Variants in GBE1 observed in about 807,000 individuals in gnomAD.
The protein encoded by GBE1 is 1,4-alpha-glucan branching enzyme 1, also known as 1,4-alpha-glucan-branching enzyme.
GBE1 carries 70 observed loss-of-function variants against 88.8 expected under a neutral mutation model. The ratio of observed to expected loss-of-function variants is 0.79; its 90% CI spans 0.65 to 0.96. The LOEUF (loss-of-function observed/expected upper bound fraction) is 0.96. Among genes scored for constraint, GBE1 ranks in the 40% least tolerant of loss-of-function variants. The pLI, the probability that GBE1 is intolerant of heterozygous loss-of-function variation, is 0.00. For synonymous variants in GBE1, 284 were observed against 300.1 expected (o/e 0.95, Z 0.56); for missense variants, 872 against 871.0 (o/e 1.00, Z -0.01).
intron 6 of GBE1, among the ~76,000 whole-genome samples, chr3:81,644,770 T>C (rs1049758098): frequency 2.0e-5 from 3 of 152,120 alleles, no homozygotes; most frequent in Middle Eastern, 3.2e-3. Context: ...AAAGAGCTAT[T>C]GAAATAACCC....
intron 2 of GBE1, among the ~76,000 whole-genome samples, chr3:81,680,342 A>G (rs1037283226): frequency 1.3e-5 from 2 of 151,924 alleles, no homozygotes; most frequent in East Asian, 3.9e-4. Flanking sequence ...AAATGCAAAA[A>G]CAAAATTAGC....
At chr3:81,748,497 G>A (rs1461790257) in intron 1 of GBE1, among the ~76,000 whole-genome samples, 1 of 151,782 alleles carries the variant, frequency 6.6e-6, no homozygotes, top group Non-Finnish European at 1.5e-5. Flanking sequence ...TGTAGTCCCA[G>A]CTACTCGGGA....
chr3:81,496,608 T>G (rs959502845), intron 15 of GBE1, among the ~76,000 whole-genome samples: 1 of 152,166 alleles, frequency 6.6e-6, no homozygotes, highest in South Asian at 2.1e-4. Flanking sequence ...ACAGCACTTA[T>G]GATCATGTTC....
intron 1 of GBE1, among the ~76,000 whole-genome samples, chr3:81,739,311 AC>A (rs1394094899): frequency 2.0e-5 from 3 of 152,180 alleles, no homozygotes; most frequent in Admixed American, 2.0e-4. Flanking sequence ...CTGTCAGCCT[AC>A]CCAGCAGTGA....
At chr3:81,723,287 GA>G (rs1241497252) in intron 1 of GBE1, among the ~76,000 whole-genome samples, 2 of 144,792 alleles carry the variant, frequency 1.4e-5, no homozygotes, top group Non-Finnish European at 3.0e-5. Flanking sequence ...ATTTTTAGTA[GA>G]GAGGGGGTTT....
chr3:81,609,567 T>C (rs528004441), intron 7 of GBE1, among the ~76,000 whole-genome samples: 1 of 152,264 alleles, frequency 6.6e-6, no homozygotes, highest in Admixed American at 6.5e-5. Flanking sequence ...GGTTTTTTTT[T>C]GGTTTTTGTT....
intron 3 of GBE1, among the ~76,000 whole-genome samples, chr3:81,662,864 C>A (rs1576190372): frequency 6.6e-6 from 1 of 152,106 alleles, no homozygotes; most frequent in South Asian, 2.1e-4. Context: ...TCACATTTTT[C>A]TCCCTCTCTT....
intron 12 of GBE1, among the ~76,000 whole-genome samples, chr3:81,563,933 G>GGAAGGAAGGGAC (rs1285774029): frequency 6.6e-6 from 1 of 150,898 alleles, no homozygotes; most frequent in African/African-American, 2.5e-5. Flanking sequence ...GAGGGAGGGA[G>GGAAGGAAGGGAC]GAAGGAAGGG....
chr3:81,577,105 T>A (rs1703659014), intron 12 of GBE1, among the ~76,000 whole-genome samples: 1 of 150,980 alleles, frequency 6.6e-6, no homozygotes, highest in East Asian at 2.0e-4. Flanking sequence ...CACCCAGCAT[T>A]TTTTTTTTCT....
chr3:81,528,719 T>C (rs1411552248), intron 14 of GBE1, among the ~76,000 whole-genome samples: 4 of 152,102 alleles, frequency 2.6e-5, no homozygotes, highest in African/African-American at 9.6e-5. Flanking sequence ...TTTGTCATTA[T>C]ATAATGACCT....
intron 7 of GBE1, among the ~76,000 whole-genome samples, chr3:81,618,210 T>G (rs1704276550): frequency 6.6e-6 from 1 of 152,112 alleles, no homozygotes; most frequent in Non-Finnish European, 1.5e-5. Flanking sequence ...ATGTCTTAAT[T>G]TGATCATCAT....
At chr3:81,496,867 G>A (rs182224942) in intron 15 of GBE1, among the ~76,000 whole-genome samples, 5 of 152,232 alleles carry the variant, frequency 3.3e-5, no homozygotes, top group Admixed American at 2.0e-4. Context: ...GTATTTAAAC[G>A]AGTAATTCCT....
chr3:81,623,026 T>C (rs975781627), intron 7 of GBE1, among the ~76,000 whole-genome samples: 3 of 152,210 alleles, frequency 2.0e-5, no homozygotes, highest in Admixed American at 1.3e-4. Context: ...GAAAAAATGA[T>C]CTTTTCAGTA....
chr3:81,541,455 C>CT (rs1703142259), intron 12 of GBE1, among the ~76,000 whole-genome samples: 1 of 150,962 alleles, frequency 6.6e-6, no homozygotes, highest in Non-Finnish European at 1.5e-5. Context: ...AAGTTGCCCC[C>CT]CCCGCCACCT....
chr3:81,745,424 T>C (rs1416456600), intron 1 of GBE1, among the ~76,000 whole-genome samples: 2 of 152,162 alleles, frequency 1.3e-5, no homozygotes, highest in Non-Finnish European at 2.9e-5. Context: ...TACCTACTAC[T>C]GAAAGTATCC....
At chr3:81,578,179 CA>C in intron 11 of GBE1, 83 bp from the exon 12 acceptor site, 1 of 948,602 alleles carries the variant, frequency 1.1e-6, no homozygotes, top group Non-Finnish European at 1.6e-6. Flanking sequence ...TGCATGGTTA[CA>C]AATGTTAGGA....
chr3:81,530,171 C>G (rs745746381), intron 14 of GBE1, among the ~76,000 whole-genome samples: 13 of 151,832 alleles, frequency 8.6e-5, no homozygotes, highest in Non-Finnish European at 1.6e-4. Context: ...TTGATTTTTT[C>G]AAAAGCATTT....
chr3:81,720,248 C>G (rs1290388676), intron 1 of GBE1, among the ~76,000 whole-genome samples: 1 of 151,794 alleles, frequency 6.6e-6, no homozygotes, highest in Non-Finnish European at 1.5e-5. Context: ...TATAAAAATT[C>G]AAGCCTTATA....
At chr3:81,710,446 T>A (rs1361798653) in intron 1 of GBE1, among the ~76,000 whole-genome samples, 2 of 151,484 alleles carry the variant, frequency 1.3e-5, no homozygotes, top group African/African-American at 4.8e-5. Flanking sequence ...CTTATAATTA[T>A]ATTTAATTAA....
Sources: allele counts gnomAD v4.1 joint callset (sites outside exome capture counted in the v4.1 genomes callset), GRCh38; gene constraint gnomAD v4.1.1; transcripts MANE v1.5; gene names NCBI Gene and HGNC (gene_info 2026-07-23, HGNC 2026-07-21).